The following SLC36A1 variants were observed in gnomAD, a reference collection of about 807,000 sequenced individuals.
The protein encoded by SLC36A1 is solute carrier family 36 member 1.
In SLC36A1, 30 loss-of-function variants were observed where a neutral mutation model predicts 47.5. The ratio of observed to expected loss-of-function variants is 0.63; its 90% CI spans 0.47 to 0.86. The LOEUF is 0.86. SLC36A1 is among the 40% of genes least tolerant of loss of function. The probability of loss-of-function intolerance (pLI) is 0.00; values close to 1 mark genes in which losing one functional copy is unlikely to be tolerated. For synonymous variants in SLC36A1, 255 were observed against 249.7 expected, an observed-to-expected ratio of 1.02 and a Z score of -0.20; for missense variants, 517 against 606.0, an observed-to-expected ratio of 0.85 and a Z score of 1.54.
At chr5:151,362,240 A>G in the SLC36A1 span, among the ~76,000 whole-genome samples, 1 of 151,876 alleles carries the variant, frequency 6.6e-6, no homozygotes, top group Non-Finnish European at 1.5e-5. Context: ...TATCTTGTAG[A>G]CATTCTGTTT....
chr5:151,541,653 T>C, the SLC36A1 span, among the ~76,000 whole-genome samples: 1 of 152,196 alleles, frequency 6.6e-6, no homozygotes. Context: ...AGCCACTGGA[T>C]TGGGGATAGG....
chr5:151,433,736 G>A (rs1044752438), upstream of SLC36A1, among the ~76,000 whole-genome samples: 1 of 152,090 alleles, frequency 6.6e-6, no homozygotes, highest in African/African-American at 2.4e-5. Context: ...ACTCCCACGG[G>A]TATTTGCTCA....
At chr5:151,381,116 G>T in the SLC36A1 span, 1 of 496,392 alleles carries the variant, frequency 2.0e-6, no homozygotes. Flanking sequence ...CATCCTCCAG[G>T]ACCTCTCTCT....
chr5:151,436,647 AAATG>A (rs1417757958), upstream of SLC36A1, among the ~76,000 whole-genome samples: 1 of 152,070 alleles, frequency 6.6e-6, no homozygotes, highest in African/African-American at 2.4e-5. Context: ...CCAATGAGTA[AAATG>A]AATGAATTGC....
chr5:151,492,323 A>T lies in SLC36A1; in HGVS notation c.*4069A>T, dbSNP rs193276355. The stretch of plus-strand genomic sequence containing the variant: ...GTAGATCCTGTTTTGGGGTTTGCAC[A>T]TGGATCGTATGTTAAGCTTTTTCTT... On this transcript the variant is annotated 3_prime_UTR_variant, in exon 11 of 11. Transcript: ENST00000243389. The T allele has an allele frequency of 3.9e-5, 6 of 152,080 alleles. No individual in the cohort carries two copies. The highest frequency in any genetic ancestry group is 1.2e-4 in the African/African-American group (5 of 41,476). 9.4% of individuals were successfully genotyped at this position (152,080 alleles called of 1,614,324 possible). A position where few individuals can be genotyped will look rare whatever the true frequency, so the allele number is the denominator to read the frequency against.
At chr5:151,484,643 C>T (rs1191096808) in intron 10 of SLC36A1, among the ~76,000 whole-genome samples, 1 of 152,154 alleles carries the variant, frequency 6.6e-6, no homozygotes, top group African/African-American at 2.4e-5. Flanking sequence ...AGCTGATTTG[C>T]CCTGCACCAC....
At chr5:151,420,268 C>T in the SLC36A1 span, among the ~76,000 whole-genome samples, 1 of 152,182 alleles carries the variant, frequency 6.6e-6, no homozygotes, top group Non-Finnish European at 1.5e-5. Flanking sequence ...ATAGGCAGGG[C>T]TCCATCCTTC....
intron 7 of SLC36A1, chr5:151,469,121 C>A: frequency 2.2e-6 from 1 of 446,472 alleles, no homozygotes; most frequent in East Asian, 3.4e-5. Context: ...ATTCAGTTCC[C>A]CAAATAATTC....
the SLC36A1 span, among the ~76,000 whole-genome samples, chr5:151,515,537 C>T: frequency 9.2e-5 from 14 of 152,308 alleles, no homozygotes; most frequent in East Asian, 1.7e-3. Context: ...TCTCCCCTCC[C>T]CAAACCTTGT....
At chr5:151,467,488 C>T (rs538512382) in intron 6 of SLC36A1, among the ~76,000 whole-genome samples, 4 of 152,114 alleles carry the variant, frequency 2.6e-5, no homozygotes, top group Admixed American at 2.0e-4. Flanking sequence ...CATGTCTTGT[C>T]GACCCTCCTG....
At chr5:151,424,581 T>C in the SLC36A1 span, among the ~76,000 whole-genome samples, 1 of 152,222 alleles carries the variant, frequency 6.6e-6, no homozygotes, top group Non-Finnish European at 1.5e-5. Context: ...GAGCAGATAT[T>C]AATCACTAGA....
chr5:151,543,759 A>G, the SLC36A1 span: 1 of 1,614,200 alleles, frequency 6.2e-7, no homozygotes, highest in Non-Finnish European at 8.5e-7. Context: ...CTCCATCAGA[A>G]GCACCTACCC....
At chr5:151,458,995 G>T in intron 2 of SLC36A1, 60 bp downstream of exon 2, 1 of 1,526,638 alleles carries the variant, frequency 6.6e-7, no homozygotes, top group South Asian at 1.2e-5. Context: ...GCCTCCCTTG[G>T]ACTTATTTTT....
chr5:151,476,547 CT>C (rs1292811377), intron 8 of SLC36A1, 42 bp from the exon 9 acceptor site: 1 of 1,383,200 alleles, frequency 7.2e-7, no homozygotes, highest in African/African-American at 1.5e-5. Flanking sequence ...ATTAACTTTT[CT>C]TTTTTCTGCA....
At chr5:151,405,094 CTTTTA>C in the SLC36A1 span, among the ~76,000 whole-genome samples, 2 of 152,056 alleles carry the variant, frequency 1.3e-5, no homozygotes, top group Non-Finnish European at 2.9e-5. Flanking sequence ...TTTTTAAATT[CTTTTA>C]TTTTTGTGGG....
the SLC36A1 span, among the ~76,000 whole-genome samples, chr5:151,501,095 C>T: frequency 1.8e-3 from 274 of 152,288 alleles, 1 homozygote; most frequent in Non-Finnish European, 3.4e-3. Context: ...CCTGGAATTC[C>T]GGCTGTGAGA....
the SLC36A1 span, among the ~76,000 whole-genome samples, chr5:151,408,062 G>A: frequency 2.1e-4 from 32 of 152,332 alleles, no homozygotes; most frequent in African/African-American, 7.0e-4. Flanking sequence ...TAAGGAAATC[G>A]AGGCTCACGG....
the SLC36A1 span, among the ~76,000 whole-genome samples, chr5:151,501,662 A>G: frequency 6.7e-6 from 1 of 148,418 alleles, no homozygotes; most frequent in Non-Finnish European, 1.5e-5. Context: ...TTCTCATGAC[A>G]ATATGAGATA....
At chr5:151,522,086 C>T in the SLC36A1 span, 2 of 1,577,992 alleles carry the variant, frequency 1.3e-6, no homozygotes, top group Non-Finnish European at 1.7e-6. Flanking sequence ...CTGTCTGACG[C>T]CTGTGGGCAA....
Sources: allele counts gnomAD v4.1 joint callset (sites outside exome capture counted in the v4.1 genomes callset), GRCh38; gene constraint gnomAD v4.1.1; transcripts MANE v1.5; gene names NCBI Gene and HGNC (gene_info 2026-07-23, HGNC 2026-07-21).